RPS29: variants seen among roughly 807,000 people sequenced by gnomAD.
The protein encoded by RPS29 is ribosomal protein S29, also known as small ribosomal subunit protein uS14.
For synonymous variants in RPS29, 37 were observed against 26.9 expected (o/e 1.37, Z -1.16); for missense variants, 60 against 75.7 (o/e 0.79, Z 0.77).
chr14:49,594,798 A>G (rs561886516), intron 1 of RPS29, among the ~76,000 whole-genome samples: 1 of 152,358 alleles, frequency 6.6e-6, no homozygotes, highest in African/African-American at 2.4e-5. Flanking sequence ...ATCATTCTTT[A>G]GGACTGCAGT....
upstream of RPS29, among the ~76,000 whole-genome samples, chr14:49,588,875 CCTTTTT>C (rs1881650780): frequency 2.8e-5 from 3 of 108,408 alleles, no homozygotes; most frequent in Non-Finnish European, 2.0e-5. Context: ...GTTTCTGAGT[CCTTTTT>C]TTTTTTTTTT....
downstream of RPS29, among the ~76,000 whole-genome samples, chr14:49,583,226 TTTA>T (rs1357599712): frequency 2.6e-5 from 4 of 152,136 alleles, no homozygotes; most frequent in African/African-American, 9.7e-5. Context: ...TTGATACAAG[TTTA>T]TTGAGAAGGT....
At chr14:49,583,523 A>G (rs1256661974), downstream of RPS29, 3 of 856,636 alleles carry the variant, frequency 3.5e-6, no homozygotes, top group Non-Finnish European at 5.1e-6. Context: ...AAAGAAAAAG[A>G]TTTCTATAAA....
upstream of RPS29, among the ~76,000 whole-genome samples, chr14:49,588,961 G>A (rs1033996307): frequency 2.2e-4 from 30 of 137,136 alleles, no homozygotes; most frequent in African/African-American, 7.9e-4. Context: ...GTGCGATCTC[G>A]GCCCACTGCA....
intron 2 of RPS29, among the ~76,000 whole-genome samples, chr14:49,583,916 A>G (rs1357704078): frequency 6.6e-6 from 1 of 152,232 alleles, no homozygotes; most frequent in Non-Finnish European, 1.5e-5. Context: ...AATGTTTCCC[A>G]AAACACTAGT....
upstream of RPS29, among the ~76,000 whole-genome samples, chr14:49,587,151 T>C (rs1881605952): frequency 6.6e-6 from 1 of 152,162 alleles, no homozygotes; most frequent in African/African-American, 2.4e-5. Context: ...CTCCAAGAAA[T>C]ACACCTACAC....
In RPS29 at chr14:49,586,212, T is replaced by G. The variant is rs1309672430; in HGVS notation, c.62+73A>C. 5 of 1,513,328 alleles carry G rather than the reference T, an allele frequency of 3.3e-6. No individual in the cohort carries two copies. In the African/African-American group the frequency reaches 4.1e-5, roughly 12 times the overall value. 93.7% of individuals were successfully genotyped at this position (1,513,328 alleles called of 1,614,324 possible). A position where few individuals can be genotyped will look rare whatever the true frequency, so the allele number is the denominator to read the frequency against. On this transcript the variant is annotated intron_variant, in intron 1 of 2. Transcript: ENST00000245458. The stretch of plus-strand genomic sequence containing the variant: ...GTGCTCCCTCGTGCCGCCCGTGGCC[T>G]CCTCTACTTGAGATTTTAAGCAGCC...
At chr14:49,598,670 C>G in exon 1 of RPS29, 3 of 700,506 alleles carry the variant, frequency 4.3e-6, no homozygotes, top group South Asian at 1.5e-5. Context: ...ACAGCTGAAA[C>G]CCTCGGAATC....
chr14:49,587,113 T>G (rs1370041892), upstream of RPS29, among the ~76,000 whole-genome samples: 1 of 152,118 alleles, frequency 6.6e-6, no homozygotes, highest in East Asian at 1.9e-4. Context: ...AGAGAGTACG[T>G]TTTCAAATTT....
chr14:49,588,345 C>G (rs1220486208), upstream of RPS29, among the ~76,000 whole-genome samples: 1 of 152,200 alleles, frequency 6.6e-6, no homozygotes, highest in African/African-American at 2.4e-5. Flanking sequence ...ACATTATTCT[C>G]TTTGATAGAG....
chr14:49,585,863 A>C, intron 2 of RPS29, 87 bp downstream of exon 2: 1 of 994,322 alleles, frequency 1.0e-6, no homozygotes. Context: ...ACTCCAGGGA[A>C]GATCTGTCCG....
downstream of RPS29, among the ~76,000 whole-genome samples, chr14:49,582,012 CAAA>C (rs58507206): frequency 6.2e-3 from 657 of 106,408 alleles, 10 homozygotes; most frequent in African/African-American, 8.2e-3. Flanking sequence ...CCCTGCCCCC[CAAA>C]AAAAAAAAAA....
rs1404864769 is a variant in RPS29, at chr14:49,585,690, G to A, written c.162+260C>T. ...TGAATTTCACCAAACACAATACACG[G>A]CACCTAAAACTGGCTAAGCTATCTA... On this transcript the variant is annotated intron_variant, in intron 2 of 2. Coordinates refer to ENST00000245458, the MANE Select transcript of RPS29 (RefSeq NM_001032.5). The A allele has an allele frequency of 6.2e-6, 3 of 486,702 alleles. No homozygotes were observed. In the Admixed American group the frequency reaches 1.1e-4, roughly 18 times the overall value. The allele number at this position is 486,702 out of a possible 1,614,324, so 30.1% of individuals were successfully genotyped here. A position where few individuals can be genotyped will look rare whatever the true frequency, so the allele number is the denominator to read the frequency against.
At chr14:49,585,876 T>A (rs940793736) in intron 2 of RPS29, 74 bp downstream of exon 2, 1 of 1,154,324 alleles carries the variant, frequency 8.7e-7, no homozygotes, top group African/African-American at 1.5e-5. Context: ...TCTGTCCGTT[T>A]GTCTTTCGCG....
At chr14:49,582,011 CCAAAAAAAA>C (rs1421213537), downstream of RPS29, among the ~76,000 whole-genome samples, 9 of 52,132 alleles carry the variant, frequency 1.7e-4, no homozygotes, top group African/African-American at 7.1e-4. Context: ...ACCCTGCCCC[CCAAAAAAAA>C]AAAAAAAAAA....
exon 3 of RPS29, chr14:49,573,100 G>T (rs1459383717): frequency 6.8e-6 from 1 of 147,276 alleles, no homozygotes; most frequent in Admixed American, 6.9e-5. Context: ...AAGAAAGAAA[G>T]AAGGAAAGAA....
At chr14:49,583,051 C>G (rs548432074), downstream of RPS29, among the ~76,000 whole-genome samples, 1 of 152,256 alleles carries the variant, frequency 6.6e-6, no homozygotes, top group Non-Finnish European at 1.5e-5. Context: ...CAGTATGTTG[C>G]CCAGGGTGGT....
chr14:49,598,661 C>G (rs1395903673), exon 1 of RPS29: 1 of 700,728 alleles, frequency 1.4e-6, no homozygotes, highest in African/African-American at 1.7e-5. Flanking sequence ...AAAGCGTCAA[C>G]AGCTGAAACC....
intron 1 of RPS29, 88 bp downstream of exon 1, chr14:49,586,197 G>C: frequency 1.4e-6 from 2 of 1,457,986 alleles, no homozygotes; most frequent in South Asian, 1.1e-5. Flanking sequence ...GTGCTCCCTC[G>C]TGCCGCCCGT....
Sources: allele counts gnomAD v4.1 joint callset (sites outside exome capture counted in the v4.1 genomes callset), GRCh38; gene constraint gnomAD v4.1.1; transcripts MANE v1.5; gene names NCBI Gene and HGNC (gene_info 2026-07-23, HGNC 2026-07-21).